TMTC2: variants seen among roughly 807,000 people sequenced by gnomAD.
TMTC2 encodes the protein transmembrane O-mannosyltransferase targeting cadherins 2.
In TMTC2, 43 loss-of-function variants were observed where a neutral mutation model predicts 82.4. That is an observed-to-expected ratio of 0.52 (90% CI 0.41 to 0.67). The LOEUF (loss-of-function observed/expected upper bound fraction) is 0.67, where lower values mean the gene tolerates loss of function less well. TMTC2 is among the 30% of genes least tolerant of loss of function. The pLI, the probability that TMTC2 is intolerant of heterozygous loss-of-function variation, is 0.00. For missense variants in TMTC2, 919 were observed against 1,012.4 expected (o/e 0.91, Z 1.25); for synonymous variants, 408 against 381.9 (o/e 1.07, Z -0.80).
At chr12:83,009,108 A>G (rs1044198837) in intron 8 of TMTC2, among the ~76,000 whole-genome samples, 4 of 152,188 alleles carry the variant, frequency 2.6e-5, no homozygotes, top group Non-Finnish European at 4.4e-5. Flanking sequence ...GACAAAGTGA[A>G]TAGATTAATT....
At chr12:83,055,681 G>A (rs1882512909) in intron 10 of TMTC2, among the ~76,000 whole-genome samples, 1 of 151,028 alleles carries the variant, frequency 6.6e-6, no homozygotes, top group African/African-American at 2.4e-5. Flanking sequence ...ATGGTTTACA[G>A]CATTCATAGG....
At chr12:83,014,106 T>C (rs1483416054) in intron 8 of TMTC2, among the ~76,000 whole-genome samples, 1 of 152,192 alleles carries the variant, frequency 6.6e-6, no homozygotes, top group Non-Finnish European at 1.5e-5. Flanking sequence ...AATGAAGTTC[T>C]TTTAGATTAC....
At chr12:82,767,082 CAT>C (rs1350693040) in intron 1 of TMTC2, among the ~76,000 whole-genome samples, 1 of 152,128 alleles carries the variant, frequency 6.6e-6, no homozygotes, top group Non-Finnish European at 1.5e-5. Context: ...TACATACAAA[CAT>C]GTGAGGGCTC....
intron 8 of TMTC2, among the ~76,000 whole-genome samples, chr12:82,997,939 G>T (rs1478675386): frequency 1.3e-5 from 2 of 152,026 alleles, no homozygotes; most frequent in Non-Finnish European, 2.9e-5. Flanking sequence ...TTTTCAAGTT[G>T]AATCCATTTA....
intron 2 of TMTC2, among the ~76,000 whole-genome samples, chr12:82,878,458 G>GA (rs1171499229): frequency 6.6e-6 from 1 of 152,176 alleles, no homozygotes; most frequent in African/African-American, 2.4e-5. Flanking sequence ...AAGTCTTGCA[G>GA]AAAAAATAGA....
intron 3 of TMTC2, among the ~76,000 whole-genome samples, chr12:82,910,299 C>T (rs116580144): frequency 1.5e-3 from 224 of 152,276 alleles, no homozygotes; most frequent in African/African-American, 5.0e-3. Context: ...AAAATTTCCC[C>T]TGTCCCCCTC....
intron 11 of TMTC2, among the ~76,000 whole-genome samples, chr12:83,115,951 C>T (rs1336451449): frequency 1.3e-5 from 2 of 152,106 alleles, no homozygotes; most frequent in Non-Finnish European, 2.9e-5. Flanking sequence ...CCATGCCTGG[C>T]TAATTTTTGT....
chr12:82,732,455 G>C (rs546814116), intron 1 of TMTC2, among the ~76,000 whole-genome samples: 2 of 152,082 alleles, frequency 1.3e-5, no homozygotes, highest in East Asian at 3.9e-4. Flanking sequence ...CCATTCTCCT[G>C]CCTCAGCCTC....
At chr12:82,784,641 G>A (rs1382419004) in intron 1 of TMTC2, among the ~76,000 whole-genome samples, 2 of 152,078 alleles carry the variant, frequency 1.3e-5, no homozygotes, top group African/African-American at 4.8e-5. Context: ...CTATTTGTAG[G>A]CGAAGGGTAA....
At chr12:83,036,964 T>C (rs940409163) in intron 9 of TMTC2, among the ~76,000 whole-genome samples, 3 of 152,084 alleles carry the variant, frequency 2.0e-5, no homozygotes, top group Non-Finnish European at 4.4e-5. Context: ...TAAGAACTAA[T>C]CCAGTCTCAC....
chr12:83,045,410 G>A (rs998741211), intron 9 of TMTC2, among the ~76,000 whole-genome samples: 2 of 151,974 alleles, frequency 1.3e-5, no homozygotes, highest in Admixed American at 6.6e-5. Flanking sequence ...TTTTACTTAC[G>A]CTGTTTGTGC....
intron 1 of TMTC2, among the ~76,000 whole-genome samples, chr12:82,740,112 T>G (rs1158563581): frequency 2.0e-5 from 3 of 152,172 alleles, no homozygotes; most frequent in South Asian, 2.1e-4. Flanking sequence ...TCCTCTGCTG[T>G]TAATGAAAAT....
chr12:82,874,851 A>G (rs1282652685), intron 2 of TMTC2, among the ~76,000 whole-genome samples: 3 of 152,170 alleles, frequency 2.0e-5, no homozygotes, highest in Admixed American at 6.5e-5. Flanking sequence ...TCATTGTTCC[A>G]TGCAAGAAAA....
At chr12:82,846,460 A>G (rs1426734134) in intron 1 of TMTC2, among the ~76,000 whole-genome samples, 2 of 152,044 alleles carry the variant, frequency 1.3e-5, no homozygotes, top group African/African-American at 4.8e-5. Context: ...TATGAAGGCA[A>G]ATCTCCAACA....
chr12:83,112,265 C>T (rs1884623656), intron 11 of TMTC2, among the ~76,000 whole-genome samples: 1 of 152,142 alleles, frequency 6.6e-6, no homozygotes, highest in African/African-American at 2.4e-5. Flanking sequence ...CTCTCCCCTC[C>T]CTCGTGGACA....
intron 10 of TMTC2, among the ~76,000 whole-genome samples, chr12:83,051,684 A>G (rs1203271645): frequency 6.6e-6 from 1 of 152,182 alleles, no homozygotes; most frequent in Non-Finnish European, 1.5e-5. Context: ...TATCAAATAC[A>G]AGTATACTTA....
chr12:82,750,744 G>A (rs1053965527), intron 1 of TMTC2, among the ~76,000 whole-genome samples: 3 of 152,060 alleles, frequency 2.0e-5, no homozygotes, highest in Non-Finnish European at 4.4e-5. Context: ...CCTCCCCAAA[G>A]TCTTCTGAAA....
chr12:82,946,455 TAAAG>T (rs1292460759), intron 4 of TMTC2, among the ~76,000 whole-genome samples: 1 of 152,176 alleles, frequency 6.6e-6, no homozygotes, highest in Non-Finnish European at 1.5e-5. Context: ...CCTGCAGAAT[TAAAG>T]AATACCTAAG....
At chr12:83,096,322 T>G (rs1565886635) in intron 11 of TMTC2, among the ~76,000 whole-genome samples, 1 of 152,258 alleles carries the variant, frequency 6.6e-6, no homozygotes, top group Non-Finnish European at 1.5e-5. Flanking sequence ...CATGATCTGG[T>G]CTTAGCTGAT....
Sources: gnomAD v4.1 joint callset for allele counts (sites outside exome capture counted in the v4.1 genomes callset) on GRCh38, gnomAD v4.1.1 for gene constraint, MANE v1.5 for transcripts, NCBI Gene and HGNC (gene_info 2026-07-23, HGNC 2026-07-21) for gene names.